INTS7: variants seen among roughly 807,000 people sequenced by gnomAD.
The protein encoded by INTS7 is integrator complex subunit 7, also known as chromosome 1 open reading frame 73.
In INTS7, 46 loss-of-function variants were observed where a neutral mutation model predicts 109.2. That is an observed-to-expected ratio of 0.42 (90% CI 0.33 to 0.54). The LOEUF (loss-of-function observed/expected upper bound fraction) is 0.54, where lower values mean the gene tolerates loss of function less well. Among genes scored for constraint, INTS7 ranks in the 20% least tolerant of loss-of-function variants. INTS7 has a pLI of 0.07. For missense variants in INTS7, 929 were observed against 1,132.4 expected (o/e 0.82, Z 2.58); for synonymous variants, 412 against 402.9 (o/e 1.02, Z -0.27).
intron 7 of INTS7, among the ~76,000 whole-genome samples, chr1:211,992,992 C>G (rs1665209989): frequency 6.6e-6 from 1 of 152,176 alleles, no homozygotes; most frequent in African/African-American, 2.4e-5. Flanking sequence ...GAGGCTCTGG[C>G]CTGAATTATT....
intron 16 of INTS7, among the ~76,000 whole-genome samples, chr1:211,956,866 T>C (rs1663386277): frequency 6.6e-6 from 1 of 152,362 alleles, no homozygotes; most frequent in Admixed American, 6.5e-5. Flanking sequence ...GATTTGTTAC[T>C]ATGAATAAAG....
intron 7 of INTS7, among the ~76,000 whole-genome samples, chr1:212,002,010 C>G (rs956037875): frequency 3.9e-5 from 6 of 152,202 alleles, no homozygotes; most frequent in African/African-American, 1.4e-4. Flanking sequence ...ATGTCCTTGA[C>G]ATCTCCACCT....
chr1:211,956,462 A>T (rs1020759726), intron 16 of INTS7, among the ~76,000 whole-genome samples: 1 of 152,158 alleles, frequency 6.6e-6, no homozygotes, highest in African/African-American at 2.4e-5. Flanking sequence ...CTTTTTAAAA[A>T]AATTTTTGTC....
At chr1:212,032,745 C>T (rs909459552) in intron 1 of INTS7, among the ~76,000 whole-genome samples, 2 of 152,156 alleles carry the variant, frequency 1.3e-5, no homozygotes, top group African/African-American at 2.4e-5. Context: ...TCCCAAAGTG[C>T]GGGGATTACA....
At chr1:211,975,818 G>C (rs1436025518) in intron 12 of INTS7, among the ~76,000 whole-genome samples, 1 of 152,178 alleles carries the variant, frequency 6.6e-6, no homozygotes, top group Non-Finnish European at 1.5e-5. Flanking sequence ...GCTTGGGACA[G>C]AACAGTATAA....
intron 13 of INTS7, among the ~76,000 whole-genome samples, chr1:211,971,688 G>A (rs1198843728): frequency 4.6e-5 from 7 of 152,160 alleles, no homozygotes; most frequent in Admixed American, 2.0e-4. Flanking sequence ...GGCCAAGGCG[G>A]GTGGATCACC....
intron 7 of INTS7, among the ~76,000 whole-genome samples, chr1:211,993,452 G>A (rs912558967): frequency 3.3e-5 from 5 of 152,186 alleles, no homozygotes; most frequent in Non-Finnish European, 7.3e-5. Context: ...GGCCAAGGCG[G>A]GTGGATCACC....
intron 1 of INTS7, among the ~76,000 whole-genome samples, chr1:212,029,358 T>C (rs1380857060): frequency 6.6e-6 from 1 of 152,234 alleles, no homozygotes; most frequent in Non-Finnish European, 1.5e-5. Context: ...TCTGCTGTCA[T>C]CTAGGAATAT....
Position 212,035,369 on chromosome 1 carries a change from G to A in INTS7, c.69C>T (p.Asn23=). The A allele has an allele frequency of 6.2e-7, 1 of 1,612,886 alleles. No homozygotes were observed. The highest frequency in any genetic ancestry group is 8.5e-7 in the Non-Finnish European group (1 of 1,178,794). ...AGYGEQELDA[N]SALMELDKGL... Reference sequence around the variant, plus strand: ...CTTTGTCCAATTCCATAAGGGCAGAGTTGGCATCCAGTTCCTGTTCGCCAT... The same window carrying A: ...CTTTGTCCAATTCCATAAGGGCAGAATTGGCATCCAGTTCCTGTTCGCCAT... Residue 23 remains asparagine (N), a synonymous_variant, in exon 1 of 20, where the codon AAC becomes AAT. Coordinates refer to ENST00000366994, the MANE Select transcript of INTS7 (RefSeq NM_015434.4).
At chr1:211,965,389 T>A (rs1195691202) in intron 16 of INTS7, among the ~76,000 whole-genome samples, 1 of 152,140 alleles carries the variant, frequency 6.6e-6, no homozygotes, top group Non-Finnish European at 1.5e-5. Context: ...AGCACTGTGG[T>A]GATTCCTCAA....
chr1:211,991,517 T>C (rs1024325695), intron 7 of INTS7, among the ~76,000 whole-genome samples: 3 of 152,256 alleles, frequency 2.0e-5, no homozygotes, highest in African/African-American at 7.2e-5. Flanking sequence ...AAACAGTCAT[T>C]ATACATCCTT....
In INTS7 at chr1:211,981,128, G is replaced by C; in HGVS notation, c.1195C>G (p.Gln399Glu). Reference sequence around the variant, plus strand: ...GCCTGAGCACCTGGACTATCATCTTGACTACAAAGTACCAGTAGGGATTCC... The same window carrying C: ...GCCTGAGCACCTGGACTATCATCTTCACTACAAAGTACCAGTAGGGATTCC... ...GLESLLVLCS[Q>E]DDSPGAQATL... The change falls in exon 10 of 20, where the codon CAA (glutamine) becomes GAA (glutamate). Residue 399 changes from glutamine to glutamate, a missense_variant. This residue lies in a region of INTS7 where 787 missense variants were observed against 901.1 expected (regional missense o/e 0.87). Coordinates refer to ENST00000366994, the MANE Select transcript of INTS7 (RefSeq NM_015434.4). The C allele has an allele frequency of 6.2e-7, 1 of 1,613,292 alleles. No individual in the cohort carries two copies. The highest frequency in any genetic ancestry group is 1.7e-5 in the Admixed American group (1 of 59,960).
chr1:212,022,526 A>G (rs1558058789), intron 1 of INTS7, among the ~76,000 whole-genome samples: 1 of 152,348 alleles, frequency 6.6e-6, no homozygotes, highest in East Asian at 1.9e-4. Flanking sequence ...GGCAAATATA[A>G]GCACATGAAC....
chr1:212,015,173 C>G (rs1666364739), intron 4 of INTS7, among the ~76,000 whole-genome samples: 1 of 150,176 alleles, frequency 6.7e-6, no homozygotes, highest in African/African-American at 2.5e-5. Flanking sequence ...AAGTGAGGAG[C>G]CCCTCTGCCC....
intron 13 of INTS7, among the ~76,000 whole-genome samples, chr1:211,970,202 T>C (rs1226545761): frequency 6.6e-6 from 1 of 151,798 alleles, no homozygotes; most frequent in Non-Finnish European, 1.5e-5. Flanking sequence ...GATGGAGGGG[T>C]ATCAGGGGTA....
At chr1:211,958,462 C>G (rs991399767) in intron 16 of INTS7, among the ~76,000 whole-genome samples, 4 of 152,038 alleles carry the variant, frequency 2.6e-5, no homozygotes, top group African/African-American at 7.2e-5. Flanking sequence ...TTCTCTTTAT[C>G]ATTGGTTTTC....
At chr1:212,027,353 G>C (rs934837254) in intron 1 of INTS7, among the ~76,000 whole-genome samples, 1 of 152,160 alleles carries the variant, frequency 6.6e-6, no homozygotes, top group Admixed American at 6.5e-5. Context: ...GCTTGCTACA[G>C]GAAGAATGCC....
At chr1:211,965,428 C>A (rs1663828420) in intron 16 of INTS7, among the ~76,000 whole-genome samples, 1 of 152,138 alleles carries the variant, frequency 6.6e-6, no homozygotes, top group Non-Finnish European at 1.5e-5. Flanking sequence ...ACCATTCGGC[C>A]AAGAAATCCC....
At chr1:211,962,367 C>A (rs192681733) in intron 16 of INTS7, among the ~76,000 whole-genome samples, 6 of 151,490 alleles carry the variant, frequency 4.0e-5, no homozygotes, top group African/African-American at 1.5e-4. Context: ...AACACAGGAG[C>A]ACCCAGATTC....
Sources: gnomAD v4.1 joint callset for allele counts (sites outside exome capture counted in the v4.1 genomes callset) on GRCh38, gnomAD v4.1.1 for gene constraint, gnomAD v4.1.1 regional missense constraint, MANE v1.5 for transcripts, NCBI Gene and HGNC (gene_info 2026-07-23, HGNC 2026-07-21) for gene names.